SEPTIN4: variants seen among roughly 807,000 people sequenced by gnomAD.
The protein encoded by SEPTIN4 is septin-4.
In SEPTIN4, 52 loss-of-function variants were observed where a neutral mutation model predicts 107.1. The observed-to-expected ratio is 0.49, with a 90% CI of 0.39 to 0.61. SEPTIN4 has a LOEUF of 0.61. Among genes scored for constraint, SEPTIN4 ranks in the 20% least tolerant of loss-of-function variants. The pLI, the probability that SEPTIN4 is intolerant of heterozygous loss-of-function variation, is 0.00. For synonymous variants in SEPTIN4, 417 were observed against 467.0 expected (o/e 0.89, Z 1.38); for missense variants, 1,048 against 1,243.5 (o/e 0.84, Z 2.36).
At chr17:58,542,435 G>A (rs996804075) in intron 1 of SEPTIN4, among the ~76,000 whole-genome samples, 191 bp downstream of exon 1, 1 of 152,166 alleles carries the variant, frequency 6.6e-6, no homozygotes, top group East Asian at 1.9e-4. Flanking sequence ...CATCATCAAT[G>A]TCATTAGCTT....
In SEPTIN4 at chr17:58,521,141, G is replaced by T. The variant is rs745464785; in HGVS notation, c.2688C>A (p.Cys896Ter). The T allele has an allele frequency of 9.3e-6, 15 of 1,614,020 alleles. No homozygotes were observed. Among genetic ancestry groups the T allele is most frequent in the Non-Finnish European group, 1.3e-5 (15 of 1,180,034 alleles). ...GIVEVENPGH[C>*]DFVKLRTMLV... ...GCATTGTCCTCAGCTTCACAAAGTC[G>T]CAGTGCCCTGGGTTTTCCACTGCAT... Residue 896 changes from cysteine (C) to a stop codon, truncating the protein, a stop_gained, in exon 12 of 14, where the codon TGC becomes TGA. Transcript: ENST00000672673. LOFTEE classifies it high-confidence loss of function. The surrounding 1 kb of genome is among the most constrained non-coding windows in gnomAD (Gnocchi z 6.4).
In SEPTIN4 at chr17:58,531,875, C is replaced by A. The variant is rs530921150; in HGVS notation, c.1615-4897G>T. 6.0e-3 allele frequency: 6,513 copies of A among 1,090,962 alleles called. 31 individuals are homozygous for A. Among genetic ancestry groups the A allele is most frequent in the African/African-American group, 9.2e-3 (552 of 59,932 alleles). The allele number at this position is 1,090,962 out of a possible 1,614,324, so 67.6% of individuals were successfully genotyped here. A position where few individuals can be genotyped will look rare whatever the true frequency, so the allele number is the denominator to read the frequency against. On this transcript the variant is annotated intron_variant, in intron 3 of 13. Transcript: ENST00000672673. ...CTGCACAGCCGCGGCTGCGGTGCCG[C>A]GGGTCCCCTTGCAGCCGCCCGGGAG...
In SEPTIN4 at chr17:58,543,995, T is replaced by G. The variant is rs1297160543; in HGVS notation, c.192A>C (p.Ala64=). 1.2e-6 allele frequency: 2 copies of G among 1,613,764 alleles called. No individual in the cohort carries two copies. The highest frequency in any genetic ancestry group is 1.7e-6 in the Non-Finnish European group (2 of 1,179,888). ...GGGAGACAGATCGAGGGTAGTCTGA[T>G]GCTGAATGGGGAGTGGTGGGATGTG... is the stretch of plus-strand genomic sequence containing the variant. ...EAAHPTTPHS[A]SDYPRSVSLQ... is the part of the protein sequence containing the mutation. The change falls in exon 1 of 14, where the codon GCA becomes GCC. Residue 64 remains alanine, a synonymous_variant. Transcript: ENST00000672673.
chr17:58,534,072 G>C (rs2043628715), intron 3 of SEPTIN4, among the ~76,000 whole-genome samples: 1 of 152,206 alleles, frequency 6.6e-6, no homozygotes, highest in South Asian at 2.1e-4. Flanking sequence ...CTGCTGCCCA[G>C]GCAGCAGGTT....
At chr17:58,540,408 T>C (rs1018344813) in intron 3 of SEPTIN4, among the ~76,000 whole-genome samples, 1 of 152,236 alleles carries the variant, frequency 6.6e-6, no homozygotes, top group African/African-American at 2.4e-5. Context: ...AACTAGCTCA[T>C]ACAGTGCTTT....
chr17:58,520,331 G>A lies in SEPTIN4; in HGVS notation c.*95C>T. The stretch of plus-strand genomic sequence containing the variant: ...AGCAGGGATGTAAGGCGAAGTGGCA[G>A]TAGCTGAAGGGGCCTGAGCAGAGCT... On this transcript the variant is annotated 3_prime_UTR_variant, in exon 14 of 14. Transcript: ENST00000672673. The A allele has an allele frequency of 2.6e-6, 3 of 1,143,462 alleles. No individual in the cohort carries two copies. The highest frequency in any genetic ancestry group is 2.7e-5 in the South Asian group (2 of 75,288). 70.8% of individuals were successfully genotyped at this position (1,143,462 alleles called of 1,614,324 possible).
At chr17:58,529,494 C>G (rs1174758799) in intron 3 of SEPTIN4, 1 of 1,256,214 alleles carries the variant, frequency 8.0e-7, no homozygotes, top group African/African-American at 1.5e-5. Context: ...CTGCCTGCTG[C>G]CTACCCTGGT....
rs2043933695 is a variant in SEPTIN4, at chr17:58,543,283, A to G, written c.904T>C (p.Tyr302His). ...DPESLHKYSA[Y>H]PETKPSAKVL... ...TTTGCGGAGGGCTTGGTTTCAGGAT[A>G]GGCAGAATACTTATGAAGAGACTCA... is the stretch of plus-strand genomic sequence containing the variant. The change falls in exon 1 of 14, where the codon TAT becomes CAT. Residue 302 changes from tyrosine (Y) to histidine (H), a missense_variant. Coordinates refer to ENST00000672673, the MANE Select transcript of SEPTIN4 (RefSeq NM_001368771.2). The G allele has an allele frequency of 1.9e-6, 3 of 1,614,214 alleles. No individual in the cohort carries two copies. In the East Asian group the frequency reaches 6.7e-5, roughly 36 times the overall value.
rs752583797 is a variant in SEPTIN4, at chr17:58,544,094, A to C, written c.93T>G (p.His31Gln). 2 of 1,613,950 alleles carry C rather than the reference A, an allele frequency of 1.2e-6. No homozygotes were observed. The highest frequency in any genetic ancestry group is 1.7e-5 in the Admixed American group (1 of 59,990). Residue 31 changes from histidine (H) to glutamine (Q), a missense_variant, in exon 1 of 14, where the codon CAT (histidine) becomes CAG (glutamine). Physicochemically the swap from His to Gln is conservative, Grantham distance 24 (BLOSUM62 0). This residue lies in a region of SEPTIN4 where 787 missense variants were observed against 871.8 expected (regional missense o/e 0.90). Transcript: ENST00000672673. Reference sequence around the variant, plus strand: ...GATGGCTTGAGGCAAGAACGTACCCATGTCCCTGCTGAGGGGATGTGTTAG... The same window carrying C: ...GATGGCTTGAGGCAAGAACGTACCCCTGTCCCTGCTGAGGGGATGTGTTAG... ...VTTNTSPQQGHGYVLASSHRS... is the reference protein window; with the variant it reads ...VTTNTSPQQGQGYVLASSHRS...
Position 58,526,212 on chromosome 17 carries a change from T to G in SEPTIN4, c.2005+8A>C. The G allele has an allele frequency of 1.9e-6, 3 of 1,570,592 alleles. No homozygotes were observed. The highest frequency in any genetic ancestry group is 2.6e-6 in the Non-Finnish European group (3 of 1,158,316). Reference sequence around the variant, plus strand: ...ACCCTGCCCAACCCAGCCCTGCCCCTTTTTTACCTGCCACCATGAGGGTAA... The same window carrying G: ...ACCCTGCCCAACCCAGCCCTGCCCCGTTTTTACCTGCCACCATGAGGGTAA... On this transcript the variant is annotated splice_region_variant and intron_variant, in intron 5 of 13. Transcript: ENST00000672673.
rs765442065 is a variant in SEPTIN4, at chr17:58,525,737, G to A, written c.2050C>T (p.Leu684Phe). ...GKSTLVNSLF[L>F]TDLYRDRKLL... ...TTCCGGTCCCGGTACAGATCAGTGA[G>A]GAAGAGGCTATTGACAAGTGTGGAT... Residue 684 changes from leucine to phenylalanine, a missense_variant, in exon 6 of 14, where the codon CTC becomes TTC. Around this residue, in one of 2 missense-constraint regions of SEPTIN4, gnomAD observed 787 missense variants for 871.8 expected, o/e 0.90. Coordinates refer to ENST00000672673, the MANE Select transcript of SEPTIN4 (RefSeq NM_001368771.2). 1 of 1,614,194 alleles carries A rather than the reference G, an allele frequency of 6.2e-7. No homozygotes were observed. Among genetic ancestry groups the A allele is most frequent in the Non-Finnish European group, 8.5e-7 (1 of 1,180,024 alleles).
chr17:58,526,410 C>G (rs2042880827), intron 4 of SEPTIN4, 97 bp from the exon 5 acceptor site: 1 of 1,381,024 alleles, frequency 7.2e-7, no homozygotes, highest in Admixed American at 3.5e-5. Context: ...TTTGCCCCAG[C>G]CTTAAAAAAG....
chr17:58,532,104 G>C, intron 3 of SEPTIN4: 1 of 1,065,568 alleles, frequency 9.4e-7, no homozygotes, highest in Non-Finnish European at 1.1e-6. Flanking sequence ...CCGGCGGCGG[G>C]GGCGGAGCGA....
chr17:58,526,223 C>A lies in SEPTIN4; in HGVS notation c.2002G>T (p.Ala668Ser). 1.3e-6 allele frequency: 2 copies of A among 1,589,822 alleles called. No individual in the cohort carries two copies. Among genetic ancestry groups the A allele is most frequent in the Admixed American group, 1.8e-5 (1 of 55,554 alleles). The stretch of plus-strand genomic sequence containing the variant: ...CCCAGCCCTGCCCCTTTTTTACCTG[C>A]CACCATGAGGGTAAAGTCAAAGCCT... ...KKGFDFTLMV[A>S]GESGLGKSTL... The change falls in exon 5 of 14, where the codon GCA becomes TCA. Residue 668 changes from alanine to serine, a missense_variant. Coordinates refer to ENST00000672673, the MANE Select transcript of SEPTIN4 (RefSeq NM_001368771.2).
intron 3 of SEPTIN4, among the ~76,000 whole-genome samples, chr17:58,537,658 C>T (rs1414848174): frequency 1.3e-5 from 2 of 151,984 alleles, no homozygotes; most frequent in East Asian, 1.9e-4. Flanking sequence ...GGTGAAACCT[C>T]GTCTCCACTA....
intron 3 of SEPTIN4, among the ~76,000 whole-genome samples, chr17:58,533,462 C>A (rs2043598410): frequency 6.6e-6 from 1 of 152,062 alleles, no homozygotes. Context: ...ATGCTGTATG[C>A]TACTATAGGC....
intron 12 of SEPTIN4, 30 bp from the exon 13 acceptor site, chr17:58,520,872 G>A: frequency 6.2e-7 from 1 of 1,614,044 alleles, no homozygotes; most frequent in Non-Finnish European, 8.5e-7. Flanking sequence ...GATAAGGCGA[G>A]GAGGACCCCA....
At position 58,543,653 on chromosome 17, in the gene SEPTIN4, T is replaced by G. The variant is rs1356433645; in HGVS notation, c.534A>C (p.Pro178=). The G allele has an allele frequency of 7.4e-6, 12 of 1,614,070 alleles. No individual in the cohort carries two copies. The African/African-American group carries it at 1.2e-4, about 16-fold the overall frequency. Reference sequence around the variant, plus strand: ...CTCCTTGGGGGTTCTGGACCTTGGATGGTGGGTCATCTTCTAAGATTTGTG... The same window carrying G: ...CTCCTTGGGGGTTCTGGACCTTGGAGGGTGGGTCATCTTCTAAGATTTGTG... The part of the protein sequence containing the change: ...LQSQILEDDP[P]SKVQNPQGVR... The change falls in exon 1 of 14, where the codon CCA becomes CCC. Residue 178 remains proline, a synonymous_variant. Transcript: ENST00000672673.
intron 3 of SEPTIN4, among the ~76,000 whole-genome samples, chr17:58,540,015 T>G (rs1424493504): frequency 6.6e-6 from 1 of 151,704 alleles, no homozygotes; most frequent in East Asian, 1.9e-4. Context: ...AGCCTATGAA[T>G]GGGACCTATT....
Sources: gnomAD v4.1 joint callset for allele counts (sites outside exome capture counted in the v4.1 genomes callset) on GRCh38, gnomAD v4.1.1 for gene constraint, gnomAD v4.1.1 regional missense constraint, Gnocchi (gnomAD v3.1) non-coding constraint, MANE v1.5 for transcripts, NCBI Gene and HGNC (gene_info 2026-07-23, HGNC 2026-07-21) for gene names.